Variants in PLCXD3 observed in about 807,000 individuals in gnomAD.
PLCXD3 encodes the protein phosphatidylinositol specific phospholipase C X domain containing 3.
Under a neutral mutation model 25.5 loss-of-function variants are expected in PLCXD3, and 19 were observed. That is an observed-to-expected ratio of 0.75 (90% confidence interval 0.52 to 1.09). The LOEUF (loss-of-function observed/expected upper bound fraction) is 1.09. PLCXD3 is among the 50% of genes least tolerant of loss of function. The pLI is 0.00. For synonymous variants in PLCXD3, 174 were observed against 137.6 expected, an observed-to-expected ratio of 1.26 and a Z score of -1.85; for missense variants, 411 against 388.1, an observed-to-expected ratio of 1.06 and a Z score of -0.50.
chr5:41,510,574 G>C lies in PLCXD3; in HGVS notation c.-48C>G. On this transcript the variant is annotated 5_prime_UTR_variant, in exon 1 of 3. Coordinates refer to ENST00000377801, the MANE Select transcript of PLCXD3 (RefSeq NM_001005473.3). ...GCTGGTCCCAGCACTCCTCGGGCAG[G>C]CTGGCAGGCTGCTGCCGCTAATCCA... The C allele has an allele frequency of 2.1e-6, 3 of 1,447,584 alleles. No individual in the cohort carries two copies. Among genetic ancestry groups the C allele is most frequent in the Non-Finnish European group, 2.9e-6 (3 of 1,039,584 alleles). 89.7% of individuals were successfully genotyped at this position (1,447,584 alleles called of 1,614,324 possible).
At position 41,309,660 on chromosome 5, in the gene PLCXD3, T is replaced by C. The variant is rs943990461; in HGVS notation, c.*3957A>G. 6.6e-6 allele frequency: 1 copy of C among 152,146 alleles called. No individual in the cohort carries two copies. Among genetic ancestry groups the C allele is most frequent in the Non-Finnish European group, 1.5e-5 (1 of 68,002 alleles). The allele number at this position is 152,146 out of a possible 1,614,324, so 9.4% of individuals were successfully genotyped here. On this transcript the variant is annotated 3_prime_UTR_variant, in exon 3 of 3. Coordinates refer to ENST00000377801, the MANE Select transcript of PLCXD3 (RefSeq NM_001005473.3). ...AAGGAAGAACCTGAACAAATAACCC[T>C]GGCTAAAAACATGTCAGAACTTCAA...
At chr5:41,471,522 T>C (rs1748158217) in intron 1 of PLCXD3, among the ~76,000 whole-genome samples, 2 of 152,170 alleles carry the variant, frequency 1.3e-5, no homozygotes, top group South Asian at 4.1e-4. Context: ...ACTTGATTTC[T>C]GGCAAGTCTT....
At chr5:41,390,953 G>A (rs62360568) in intron 1 of PLCXD3, among the ~76,000 whole-genome samples, 15,449 of 152,168 alleles carry the variant, frequency 0.1, 899 homozygotes, top group Non-Finnish European at 0.12. Context: ...ATGTTGTCCT[G>A]TTACAGCAGA....
rs370008449 is a variant in PLCXD3 at position 41,326,623 on chromosome 5, C to T, written c.813-12853G>A. On this transcript the variant is annotated intron_variant, in intron 2 of 2. Coordinates refer to ENST00000377801, the MANE Select transcript of PLCXD3 (RefSeq NM_001005473.3). The stretch of plus-strand genomic sequence containing the variant: ...AGGCCTGTCTTCTTCCAATACCCTT[C>T]TTGGCCAATTGCTCCCTACCATTTA... 5.3e-5 allele frequency among the ~76,000 whole-genome samples: 8 copies of T among 152,224 alleles called. 1 individual carries two copies. The highest frequency in any genetic ancestry group is 1.9e-4 in the African/African-American group (8 of 41,530).
Position 41,332,593 on chromosome 5 carries a change from A to G in PLCXD3, c.813-18823T>C, listed in dbSNP as rs559419663. Among the ~76,000 whole-genome samples the G allele has an allele frequency of 3.3e-5, 5 of 152,040 alleles. No individual in the cohort carries two copies. The East Asian group carries it at 7.7e-4, about 24-fold the overall frequency. ...ATTTGACCCAGCCATCCCATTACTG[A>G]GTATATACCCAAAGGACTATAAATC... On this transcript the variant is annotated intron_variant, in intron 2 of 2. Transcript: ENST00000377801.
intron 1 of PLCXD3, among the ~76,000 whole-genome samples, chr5:41,402,253 C>G (rs1223881153): frequency 1.3e-5 from 2 of 151,638 alleles, no homozygotes. Context: ...ACTGCTTTAG[C>G]TACATCTCAG....
chr5:41,441,491 C>T (rs1378650675), intron 1 of PLCXD3, among the ~76,000 whole-genome samples: 1 of 152,096 alleles, frequency 6.6e-6, no homozygotes. Context: ...AGTTTCTCAC[C>T]TGGGAAAGCT....
intron 1 of PLCXD3, among the ~76,000 whole-genome samples, chr5:41,446,988 G>A (rs547979099): frequency 6.6e-6 from 1 of 152,314 alleles, no homozygotes; most frequent in African/African-American, 2.4e-5. Flanking sequence ...TAGCTGCAAA[G>A]GCTATTAATG....
chr5:41,375,009 C>T (rs1429503084), intron 2 of PLCXD3, among the ~76,000 whole-genome samples: 1 of 152,082 alleles, frequency 6.6e-6, no homozygotes, highest in Non-Finnish European at 1.5e-5. Flanking sequence ...AGCTGAAAAA[C>T]TTCCAAGAGA....
intron 2 of PLCXD3, among the ~76,000 whole-genome samples, chr5:41,339,358 A>G (rs1744073169): frequency 6.6e-6 from 1 of 152,128 alleles, no homozygotes; most frequent in South Asian, 2.1e-4. Flanking sequence ...TGGTAGTATC[A>G]ATGGTGCTGC....
rs1743123944 is a variant in PLCXD3 at position 41,310,953 on chromosome 5, A to T, written c.*2664T>A. 1 of 152,300 alleles carries T rather than the reference A, an allele frequency of 6.6e-6. No homozygotes were observed. Among genetic ancestry groups the T allele is most frequent in the Admixed American group, 6.5e-5 (1 of 15,270 alleles). 9.4% of individuals were successfully genotyped at this position (152,300 alleles called of 1,614,324 possible). Reference sequence around the variant, plus strand: ...TGCACAATTATTCAAAAGCTTCATCATGTTTGTTTTTTTCCAGAACCCAGT... The same window carrying T: ...TGCACAATTATTCAAAAGCTTCATCTTGTTTGTTTTTTTCCAGAACCCAGT... On this transcript the variant is annotated 3_prime_UTR_variant, in exon 3 of 3. Transcript: ENST00000377801.
chr5:41,392,460 A>C (rs1278494798), intron 1 of PLCXD3, among the ~76,000 whole-genome samples: 1 of 152,170 alleles, frequency 6.6e-6, no homozygotes, highest in African/African-American at 2.4e-5. Context: ...AAGACAATAA[A>C]GGTGATGCCT....
intron 1 of PLCXD3, among the ~76,000 whole-genome samples, chr5:41,459,022 G>T (rs969281232): frequency 6.6e-6 from 1 of 151,634 alleles, no homozygotes; most frequent in Non-Finnish European, 1.5e-5. Context: ...ATAGAATATT[G>T]CTTGATTTTC....
intron 1 of PLCXD3, among the ~76,000 whole-genome samples, chr5:41,388,710 T>A (rs1745716085): frequency 6.6e-6 from 1 of 152,052 alleles, no homozygotes; most frequent in Non-Finnish European, 1.5e-5. Flanking sequence ...ACTTTTATTA[T>A]GAGCTTTTCA....
At chr5:41,482,902 AAACTC>A (rs1580395439) in intron 1 of PLCXD3, among the ~76,000 whole-genome samples, 2 of 152,318 alleles carry the variant, frequency 1.3e-5, no homozygotes, top group Non-Finnish European at 1.5e-5. Context: ...TGTAAAACTG[AAACTC>A]TACAAATTAA....
chr5:41,435,956 C>T (rs1747240131), intron 1 of PLCXD3, among the ~76,000 whole-genome samples: 1 of 152,178 alleles, frequency 6.6e-6, no homozygotes, highest in Non-Finnish European at 1.5e-5. Flanking sequence ...TCTGCACCTG[C>T]CAGCCTGGCC....
chr5:41,409,058 T>C (rs187463817), intron 1 of PLCXD3, among the ~76,000 whole-genome samples: 3 of 152,332 alleles, frequency 2.0e-5, no homozygotes, highest in Non-Finnish European at 2.9e-5. Flanking sequence ...ACCCAGTTGC[T>C]TGTGTCATTA....
chr5:41,495,434 T>G (rs992036761), intron 1 of PLCXD3, among the ~76,000 whole-genome samples: 1 of 152,196 alleles, frequency 6.6e-6, no homozygotes, highest in Admixed American at 6.5e-5. Flanking sequence ...AAGGGAAAAG[T>G]AAAGTATGCA....
chr5:41,369,071 CAA>C (rs1284767891), intron 2 of PLCXD3, among the ~76,000 whole-genome samples: 2 of 152,098 alleles, frequency 1.3e-5, no homozygotes, highest in African/African-American at 4.8e-5. Flanking sequence ...TATACAGTGG[CAA>C]TAAGTTGTGT....
Sources: gnomAD v4.1 joint callset for allele counts (sites outside exome capture counted in the v4.1 genomes callset) on GRCh38, gnomAD v4.1.1 for gene constraint, MANE v1.5 for transcripts, NCBI Gene and HGNC (gene_info 2026-07-23, HGNC 2026-07-21) for gene names.